ARMH3: variants seen among roughly 807,000 people sequenced by gnomAD.
ARMH3 encodes the protein armadillo-like helical domain-containing protein 3.
ARMH3 carries 60 observed loss-of-function variants against 99.1 expected under a neutral mutation model. That is an observed-to-expected ratio of 0.61 (90% confidence interval 0.49 to 0.75). ARMH3 has a LOEUF of 0.75. Among genes scored for constraint, ARMH3 ranks in the 30% least tolerant of loss-of-function variants. The probability of loss-of-function intolerance (pLI) is 0.00; values close to 1 mark genes in which losing one functional copy is unlikely to be tolerated. For synonymous variants in ARMH3, 285 were observed against 292.8 expected (o/e 0.97, Z 0.27); for missense variants, 679 against 843.1 (o/e 0.81, Z 2.41).
intron 14 of ARMH3, among the ~76,000 whole-genome samples, chr10:102,004,962 T>C (rs1164562501): frequency 2.0e-5 from 3 of 152,034 alleles, no homozygotes; most frequent in Non-Finnish European, 4.4e-5. Flanking sequence ...CCCAGCACTT[T>C]GGGAGGCCGA....
chr10:101,960,963 A>T (rs2135835059), intron 20 of ARMH3, among the ~76,000 whole-genome samples: 1 of 152,010 alleles, frequency 6.6e-6, no homozygotes, highest in South Asian at 2.1e-4. Flanking sequence ...GTGGGGTTAC[A>T]GCTTACTATA....
intron 22 of ARMH3, among the ~76,000 whole-genome samples, chr10:101,951,891 G>T (rs1404691784): frequency 7.3e-6 from 1 of 137,184 alleles, no homozygotes; most frequent in Non-Finnish European, 1.6e-5. Flanking sequence ...AGAAGAAGAA[G>T]AAAGGAAGGA....
chr10:101,925,077 T>C (rs1843457443), intron 23 of ARMH3, among the ~76,000 whole-genome samples: 1 of 152,144 alleles, frequency 6.6e-6, no homozygotes, highest in Non-Finnish European at 1.5e-5. Context: ...CACTATCAAC[T>C]GAACAAGTGT....
At chr10:101,876,657 C>T (rs1428504742) in intron 24 of ARMH3, among the ~76,000 whole-genome samples, 1 of 152,180 alleles carries the variant, frequency 6.6e-6, no homozygotes, top group Non-Finnish European at 1.5e-5. Context: ...CATAATGACA[C>T]ATGTGGCCTC....
chr10:102,052,696 A>G (rs2067735860), intron 1 of ARMH3, among the ~76,000 whole-genome samples: 2 of 152,222 alleles, frequency 1.3e-5, no homozygotes, highest in South Asian at 4.1e-4. Flanking sequence ...GAAGCTCACT[A>G]TTAAGTGGAG....
At chr10:101,959,742 G>A (rs926622286) in intron 20 of ARMH3, among the ~76,000 whole-genome samples, 7 of 152,204 alleles carry the variant, frequency 4.6e-5, no homozygotes, top group African/African-American at 1.7e-4. Flanking sequence ...AGGCATTAGC[G>A]GAGCCAGAGT....
At chr10:101,923,418 G>T (rs1435429887) in intron 23 of ARMH3, among the ~76,000 whole-genome samples, 1 of 152,154 alleles carries the variant, frequency 6.6e-6, no homozygotes, top group African/African-American at 2.4e-5. Context: ...TTCAGTTTCA[G>T]ATTATCACAC....
chr10:101,850,053 G>T (rs902822047), intron 24 of ARMH3, among the ~76,000 whole-genome samples, 161 bp from the exon 25 acceptor site: 1 of 150,788 alleles, frequency 6.6e-6, no homozygotes, highest in Non-Finnish European at 1.5e-5. Context: ...TACAGGGAGC[G>T]ATGCCTCAGG....
intron 19 of ARMH3, among the ~76,000 whole-genome samples, chr10:101,985,355 A>G (rs1294890302): frequency 1.3e-5 from 2 of 151,124 alleles, no homozygotes; most frequent in Non-Finnish European, 2.9e-5. Flanking sequence ...ATATACACAT[A>G]TATGTATACA....
intron 23 of ARMH3, among the ~76,000 whole-genome samples, chr10:101,919,751 GA>G (rs1843230986): frequency 6.6e-6 from 1 of 152,198 alleles, no homozygotes; most frequent in Non-Finnish European, 1.5e-5. Context: ...TGCTGTTGCA[GA>G]TATCCTATTT....
chr10:101,959,841 T>C (rs1845199512), intron 20 of ARMH3, among the ~76,000 whole-genome samples: 1 of 152,178 alleles, frequency 6.6e-6, no homozygotes, highest in South Asian at 2.1e-4. Context: ...GGTCAGATAT[T>C]CTGCTCCCCC....
intron 23 of ARMH3, among the ~76,000 whole-genome samples, chr10:101,937,283 C>T (rs1033679344): frequency 1.3e-5 from 2 of 151,998 alleles, no homozygotes; most frequent in African/African-American, 4.8e-5. Context: ...TTTGGGAGGC[C>T]AAGGCAGGTG....
chr10:101,992,280 G>T (rs1159115632), intron 17 of ARMH3, among the ~76,000 whole-genome samples: 1 of 151,988 alleles, frequency 6.6e-6, no homozygotes, highest in Admixed American at 6.6e-5. Flanking sequence ...AACCTCAAAG[G>T]GCACTAGAGA....
chr10:101,878,802 G>A (rs1307053179), intron 24 of ARMH3, among the ~76,000 whole-genome samples: 2 of 151,648 alleles, frequency 1.3e-5, no homozygotes, highest in South Asian at 2.1e-4. Flanking sequence ...ACTCCAGCCT[G>A]CATGACAGAA....
intron 4 of ARMH3, among the ~76,000 whole-genome samples, chr10:102,030,854 C>T (rs754562273): frequency 1.2e-4 from 18 of 151,976 alleles, no homozygotes; most frequent in Non-Finnish European, 2.1e-4. Context: ...TGAGTGATCC[C>T]GCCTCACTGC....
intron 24 of ARMH3, among the ~76,000 whole-genome samples, chr10:101,873,950 T>C (rs2067197826): frequency 6.6e-6 from 1 of 152,228 alleles, no homozygotes; most frequent in African/African-American, 2.4e-5. Context: ...TGAACATCTG[T>C]GTACAGATCT....
At chr10:101,927,999 G>C (rs1461058126) in intron 23 of ARMH3, among the ~76,000 whole-genome samples, 1 of 152,186 alleles carries the variant, frequency 6.6e-6, no homozygotes. Flanking sequence ...ACTTGAGCCT[G>C]GGAGGCAGAG....
At chr10:101,985,051 GAA>G (rs2135971480) in intron 19 of ARMH3, among the ~76,000 whole-genome samples, 1 of 147,470 alleles carries the variant, frequency 6.8e-6, no homozygotes, top group Non-Finnish European at 1.5e-5. Context: ...CTGGGCAACA[GAA>G]AGAGACTCCA....
chr10:101,864,437 T>C (rs2066951616), intron 24 of ARMH3, among the ~76,000 whole-genome samples: 1 of 152,250 alleles, frequency 6.6e-6, no homozygotes, highest in South Asian at 2.1e-4. Flanking sequence ...TAAAGACACA[T>C]GCACACGTAT....
Sources: allele counts gnomAD v4.1 joint callset (sites outside exome capture counted in the v4.1 genomes callset), GRCh38; gene constraint gnomAD v4.1.1; transcripts MANE v1.5; gene names NCBI Gene and HGNC (gene_info 2026-07-23, HGNC 2026-07-21).